Variants in COL26A1 observed in about 807,000 individuals in gnomAD.
COL26A1 encodes the protein collagen alpha-1(XXVI) chain.
In COL26A1, 41 loss-of-function variants were observed where a neutral mutation model predicts 59.3. That is an observed-to-expected ratio of 0.69 (90% CI 0.54 to 0.90). COL26A1 has a LOEUF of 0.90. COL26A1 is among the 40% of genes least tolerant of loss of function. The probability of loss-of-function intolerance (pLI) is 0.00; values close to 1 mark genes in which losing one functional copy is unlikely to be tolerated. For synonymous variants in COL26A1, 266 were observed against 256.0 expected (o/e 1.04, Z -0.37); for missense variants, 612 against 602.3 (o/e 1.02, Z -0.17).
chr7:101,552,938 T>C (rs1020816402), intron 10 of COL26A1, among the ~76,000 whole-genome samples: 8 of 152,126 alleles, frequency 5.3e-5, no homozygotes, highest in African/African-American at 1.7e-4. Flanking sequence ...TACAATAAAA[T>C]ATGTGACTTT....
At chr7:101,515,213 C>T (rs540886415) in intron 3 of COL26A1, among the ~76,000 whole-genome samples, 16 of 152,320 alleles carry the variant, frequency 1.1e-4, no homozygotes, top group African/African-American at 3.8e-4. Context: ...GGAACCTGCA[C>T]ACAAACGGTG....
chr7:101,495,600 T>C (rs1794568686), intron 3 of COL26A1, among the ~76,000 whole-genome samples: 1 of 151,454 alleles, frequency 6.6e-6, no homozygotes, highest in Admixed American at 6.6e-5. Context: ...TTTTTATTTT[T>C]AGTTGAGACG....
chr7:101,526,193 T>C (rs1189710530), intron 3 of COL26A1, among the ~76,000 whole-genome samples: 4 of 151,870 alleles, frequency 2.6e-5, no homozygotes, highest in Non-Finnish European at 4.4e-5. Context: ...GGATTACAGG[T>C]GCCCGCCACC....
chr7:101,527,229 C>T (rs1368359357), intron 3 of COL26A1, among the ~76,000 whole-genome samples: 1 of 152,168 alleles, frequency 6.6e-6, no homozygotes, highest in African/African-American at 2.4e-5. Flanking sequence ...CCTTGACCTC[C>T]CAAAGGGCTG....
intron 1 of COL26A1, among the ~76,000 whole-genome samples, chr7:101,391,077 G>A (rs890356345): frequency 7.9e-5 from 12 of 152,232 alleles, no homozygotes; most frequent in South Asian, 2.1e-4. Flanking sequence ...GGAGCCTCAG[G>A]GGAACAGAGC....
At position 101,376,098 on chromosome 7, in the gene COL26A1, T is replaced by G. The variant is rs1225440100; in HGVS notation, c.158+12908T>G. On this transcript the variant is annotated intron_variant, in intron 1 of 12. Coordinates refer to ENST00000313669, the MANE Select transcript of COL26A1 (RefSeq NM_001278563.3). ...GGAGGATCACTTGAGCCCAGAAGCATGAGCCCAGCCTTGGCAATATAGCAA... is the reference window on the plus strand; with the variant it reads ...GGAGGATCACTTGAGCCCAGAAGCAGGAGCCCAGCCTTGGCAATATAGCAA... Among the ~76,000 whole-genome samples, 3 of 143,584 alleles carry G rather than the reference T, an allele frequency of 2.1e-5. No homozygotes were observed. The Admixed American group carries it at 2.1e-4, about 10-fold the overall frequency. The allele number at this position is 143,584 out of a possible 152,430, so 94.2% of individuals were successfully genotyped here. A position where few individuals can be genotyped will look rare whatever the true frequency, so the allele number is the denominator to read the frequency against.
At chr7:101,489,850 CT>C (rs1563008286) in intron 3 of COL26A1, among the ~76,000 whole-genome samples, 2 of 28,988 alleles carry the variant, frequency 6.9e-5, no homozygotes, top group Non-Finnish European at 1.2e-4. Flanking sequence ...TTCTTTCTTT[CT>C]TTCTTTCTTT....
At chr7:101,489,822 CTTTCTTTCTTTCTT>C (rs1794393819) in intron 3 of COL26A1, among the ~76,000 whole-genome samples, 2 of 7,048 alleles carry the variant, frequency 2.8e-4, no homozygotes, top group African/African-American at 2.5e-3. Context: ...TTCTTTCTTT[CTTTCTTTCTTTCTT>C]TCTTTCTTTC....
chr7:101,542,354 C>T (rs945791008), intron 5 of COL26A1, among the ~76,000 whole-genome samples: 4 of 152,278 alleles, frequency 2.6e-5, no homozygotes, highest in Middle Eastern at 3.4e-3. Flanking sequence ...CCACCCGCCT[C>T]GGCCTCCAAA....
chr7:101,422,630 G>A (rs1315121754), intron 2 of COL26A1, among the ~76,000 whole-genome samples: 3 of 132,420 alleles, frequency 2.3e-5, no homozygotes, highest in Non-Finnish European at 3.1e-5. Context: ...AGAAGTGGCT[G>A]TCCTACTCTT....
At chr7:101,544,199 A>G (rs1795680208) in intron 6 of COL26A1, 103 bp downstream of exon 6, 1 of 784,646 alleles carries the variant, frequency 1.3e-6, no homozygotes, top group South Asian at 2.0e-5. Context: ...CACAGCCCTG[A>G]TCTTGCTGGG....
At chr7:101,404,242 A>C (rs940999176) in intron 1 of COL26A1, among the ~76,000 whole-genome samples, 1 of 152,038 alleles carries the variant, frequency 6.6e-6, no homozygotes, top group African/African-American at 2.4e-5. Flanking sequence ...TAATTAGCCA[A>C]CTCTGCAGCC....
chr7:101,481,163 G>A (rs774560524), intron 3 of COL26A1, among the ~76,000 whole-genome samples: 3 of 152,094 alleles, frequency 2.0e-5, no homozygotes, highest in Non-Finnish European at 2.9e-5. Context: ...TCACTCTGCT[G>A]ATCAGCAGAC....
At chr7:101,418,466 A>T (rs1463619508) in intron 1 of COL26A1, among the ~76,000 whole-genome samples, 1 of 150,650 alleles carries the variant, frequency 6.6e-6, no homozygotes, top group African/African-American at 2.4e-5. Context: ...TTTTTTTCTT[A>T]TTTTATTTTA....
chr7:101,428,389 A>G (rs889804197), intron 2 of COL26A1, among the ~76,000 whole-genome samples: 8 of 150,988 alleles, frequency 5.3e-5, no homozygotes, highest in Admixed American at 2.0e-4. Flanking sequence ...AGAGAATGAT[A>G]TTTATTTGAG....
intron 3 of COL26A1, among the ~76,000 whole-genome samples, chr7:101,508,302 G>T (rs1397616572): frequency 6.6e-6 from 1 of 152,146 alleles, no homozygotes; most frequent in Non-Finnish European, 1.5e-5. Flanking sequence ...AGGGAGGATT[G>T]CTTGAGGCCA....
chr7:101,455,686 T>C (rs1463085861), intron 3 of COL26A1, among the ~76,000 whole-genome samples: 3 of 151,678 alleles, frequency 2.0e-5, no homozygotes, highest in Non-Finnish European at 4.4e-5. Flanking sequence ...ATTTTTATTA[T>C]TTTTAATTTT....
chr7:101,554,356 G>C (rs543872557), intron 11 of COL26A1, among the ~76,000 whole-genome samples: 1 of 152,154 alleles, frequency 6.6e-6, no homozygotes, highest in East Asian at 1.9e-4. Context: ...CCGCTGTGAG[G>C]GGTGCAGGAG....
intron 8 of COL26A1, among the ~76,000 whole-genome samples, chr7:101,547,610 G>C (rs1342167904): frequency 6.6e-6 from 1 of 152,246 alleles, no homozygotes; most frequent in Non-Finnish European, 1.5e-5. Context: ...GGACCTGGCT[G>C]TCAGTCCTGG....
Sources: allele counts gnomAD v4.1 joint callset (sites outside exome capture counted in the v4.1 genomes callset), GRCh38; gene constraint gnomAD v4.1.1; transcripts MANE v1.5; gene names NCBI Gene and HGNC (gene_info 2026-07-23, HGNC 2026-07-21).